DUS2: variants seen among roughly 807,000 people sequenced by gnomAD.
The protein encoded by DUS2 is dihydrouridine synthase 2, also known as tRNA-dihydrouridine(20) synthase [NAD(P)+]-like.
Under a neutral mutation model 71.3 loss-of-function variants are expected in DUS2, and 52 were observed. The observed-to-expected ratio is 0.73, with a 90% CI of 0.58 to 0.92. The LOEUF (loss-of-function observed/expected upper bound fraction) is 0.92. DUS2 is among the 40% of genes least tolerant of loss of function. The pLI, the probability that DUS2 is intolerant of heterozygous loss-of-function variation, is 0.00. For missense variants in DUS2, 558 were observed against 622.6 expected, an observed-to-expected ratio of 0.90 and a Z score of 1.10; for synonymous variants, 204 against 227.8, an observed-to-expected ratio of 0.90 and a Z score of 0.94.
At chr16:68,072,246 A>G (rs773747713) in intron 12 of DUS2, among the ~76,000 whole-genome samples, 4 of 152,138 alleles carry the variant, frequency 2.6e-5, no homozygotes, top group Non-Finnish European at 4.4e-5. Flanking sequence ...TTCCTGTTCA[A>G]TGCTGCAGCC....
intron 7 of DUS2, among the ~76,000 whole-genome samples, chr16:68,057,263 AAG>A (rs58932460): frequency 1.4e-4 from 20 of 144,130 alleles, no homozygotes; most frequent in Non-Finnish European, 2.0e-4. Context: ...GAGAGAGAGA[AAG>A]AGAGAGAGAG....
chr16:68,031,539 C>T (rs1299098827), intron 2 of DUS2, among the ~76,000 whole-genome samples: 1 of 152,182 alleles, frequency 6.6e-6, no homozygotes, highest in East Asian at 1.9e-4. Context: ...CCTTCTGTCA[C>T]CAGATGTACT....
chr16:68,069,632 C>T (rs957755419), intron 10 of DUS2, among the ~76,000 whole-genome samples: 3 of 152,150 alleles, frequency 2.0e-5, no homozygotes, highest in Admixed American at 6.5e-5. Context: ...TTCCTGGGTG[C>T]GGGGCCTACC....
rs372067131 is a variant in DUS2 at position 68,053,483 on chromosome 16, C to G, written c.173-81C>G. ...TTTCCCCTTGAAGCTTATACTCTGG[C>G]TGTGTTTTCTTCCAGGGCTTAGGCT... On this transcript the variant is annotated intron_variant, in intron 4 of 16. Coordinates refer to ENST00000565263, the MANE Select transcript of DUS2 (RefSeq NM_017803.5). The G allele has an allele frequency of 2.3e-4, 304 of 1,315,234 alleles. 2 individuals are homozygous for G. In the African/African-American group the frequency reaches 3.7e-3, roughly 16 times the overall value. The allele number at this position is 1,315,234 out of a possible 1,614,324, so 81.5% of individuals were successfully genotyped here. A position where few individuals can be genotyped will look rare whatever the true frequency, so the allele number is the denominator to read the frequency against.
intron 3 of DUS2, among the ~76,000 whole-genome samples, chr16:68,040,324 C>T (rs2033603991): frequency 6.6e-6 from 1 of 152,084 alleles, no homozygotes; most frequent in South Asian, 2.1e-4. Flanking sequence ...CTCAGGTAAT[C>T]CACCTGCCTT....
At chr16:68,042,151 A>G (rs983986869) in intron 3 of DUS2, among the ~76,000 whole-genome samples, 2 of 152,220 alleles carry the variant, frequency 1.3e-5, no homozygotes, top group Non-Finnish European at 2.9e-5. Flanking sequence ...TTCCCTTAGC[A>G]TAATGTCATC....
chr16:68,050,151 T>G (rs571114054), intron 4 of DUS2, among the ~76,000 whole-genome samples: 2 of 152,276 alleles, frequency 1.3e-5, no homozygotes. Flanking sequence ...AATCTTTTTT[T>G]TTTTGAGACG....
At chr16:68,036,953 A>G (rs1181721186) in intron 2 of DUS2, among the ~76,000 whole-genome samples, 1 of 151,780 alleles carries the variant, frequency 6.6e-6, no homozygotes, top group African/African-American at 2.4e-5. Context: ...TCTATTTCAA[A>G]TTGCAACCCA....
chr16:68,078,928 G>T lies in DUS2; in HGVS notation c.1424G>T (p.Cys475Phe), dbSNP rs756887708. 2 of 1,605,652 alleles carry T rather than the reference G, an allele frequency of 1.2e-6. No individual in the cohort carries two copies. Among genetic ancestry groups the T allele is most frequent in the South Asian group, 2.2e-5 (2 of 90,544 alleles). The change falls in exon 17 of 17, where the codon TGC (cysteine) becomes TTC (phenylalanine). Residue 475 changes from cysteine (C) to phenylalanine (F), a missense_variant. Coordinates refer to ENST00000565263, the MANE Select transcript of DUS2 (RefSeq NM_017803.5). ...GAGCTAGCACAACCTGGGGATCTGT[G>T]CAAGAAGCCCTTTGTGGCCTTGGGA... Reference protein sequence around the residue: ...AQELAQPGDLCKKPFVALGSG... With the variant: ...AQELAQPGDLFKKPFVALGSG...
At chr16:68,062,673 C>T (rs199631536) in intron 8 of DUS2, among the ~76,000 whole-genome samples, 7 of 141,796 alleles carry the variant, frequency 4.9e-5, no homozygotes, top group East Asian at 4.2e-4. Flanking sequence ...GAGCAGAGAT[C>T]GTGCCACTGC....
At chr16:68,059,544 G>A (rs979376841) in intron 7 of DUS2, among the ~76,000 whole-genome samples, 1 of 152,190 alleles carries the variant, frequency 6.6e-6, no homozygotes, top group Admixed American at 6.5e-5. Flanking sequence ...TGTAGTCCAG[G>A]CTTGGTGGAT....
At chr16:68,037,224 C>CTAGG (rs1228486162) in intron 2 of DUS2, among the ~76,000 whole-genome samples, 6 of 149,676 alleles carry the variant, frequency 4.0e-5, no homozygotes, top group African/African-American at 1.5e-4. Context: ...CTGGCACAGA[C>CTAGG]TAGGTACTTA....
At chr16:68,067,735 C>T (rs1253392299) in intron 10 of DUS2, among the ~76,000 whole-genome samples, 1 of 152,184 alleles carries the variant, frequency 6.6e-6, no homozygotes, top group Non-Finnish European at 1.5e-5. Flanking sequence ...TCATAGCTCA[C>T]TGCAGCCTCA....
chr16:68,060,312 T>G (rs956562999), intron 7 of DUS2, among the ~76,000 whole-genome samples: 3 of 151,970 alleles, frequency 2.0e-5, no homozygotes, highest in Admixed American at 6.6e-5. Context: ...ATGATGACTT[T>G]TTTGTTTGTT....
chr16:68,054,467 T>G, intron 5 of DUS2, 107 bp from the exon 6 acceptor site: 2 of 1,217,004 alleles, frequency 1.6e-6, no homozygotes, highest in Non-Finnish European at 2.4e-6. Flanking sequence ...GACTCTGTTG[T>G]TGGTGTGTGG....
At position 68,061,102 on chromosome 16, in the gene DUS2, A is replaced by C. The variant is rs747606206; in HGVS notation, c.406A>C (p.Lys136Gln). 8.1e-6 allele frequency: 13 copies of C among 1,614,006 alleles called. No homozygotes were observed. Among genetic ancestry groups the C allele is most frequent in the Non-Finnish European group, 1.1e-5 (13 of 1,179,996 alleles). Residue 136 changes from lysine to glutamine, a missense_variant, in exon 8 of 17, where the codon AAG becomes CAG. Physicochemically the swap from Lys to Gln is moderately conservative, Grantham distance 53. Coordinates refer to ENST00000565263, the MANE Select transcript of DUS2 (RefSeq NM_017803.5). ...AGCTGCCCTGCTGTCAGACCCTGACAAGATTGAGAAGGTAAGTCCTCCACG... is the reference window on the plus strand; with the variant it reads ...AGCTGCCCTGCTGTCAGACCCTGACCAGATTGAGAAGGTAAGTCCTCCACG... ...MGAALLSDPD[K>Q]IEKILSTLVK...
At chr16:68,068,520 C>T (rs1244254716) in intron 10 of DUS2, among the ~76,000 whole-genome samples, 1 of 150,450 alleles carries the variant, frequency 6.6e-6, no homozygotes, top group African/African-American at 2.4e-5. Context: ...TGTCCCAGGG[C>T]TTTTATGAGA....
intron 15 of DUS2, 85 bp downstream of exon 15, chr16:68,076,804 G>T: frequency 7.9e-7 from 1 of 1,273,476 alleles, no homozygotes; most frequent in South Asian, 1.3e-5. Context: ...CCAGGCTGGA[G>T]CCTGGCCTTG....
At chr16:68,026,284 C>T (rs2033348830) in intron 2 of DUS2, among the ~76,000 whole-genome samples, 1 of 152,080 alleles carries the variant, frequency 6.6e-6, no homozygotes, top group African/African-American at 2.4e-5. Flanking sequence ...AGCCATTGTG[C>T]CCAGCCGAGA....
Sources: allele counts gnomAD v4.1 joint callset (sites outside exome capture counted in the v4.1 genomes callset), GRCh38; gene constraint gnomAD v4.1.1; transcripts MANE v1.5; gene names NCBI Gene and HGNC (gene_info 2026-07-23, HGNC 2026-07-21).